The following EYS variants were observed in gnomAD, a reference collection of about 807,000 sequenced individuals.
The protein encoded by EYS is EGF-like photoreceptor maintenance factor.
Under a neutral mutation model 282.1 loss-of-function variants are expected in EYS, and 250 were observed. That is an observed-to-expected ratio of 0.89 (90% confidence interval 0.80 to 0.98). The LOEUF (loss-of-function observed/expected upper bound fraction) is 0.98, where lower values mean the gene tolerates loss of function less well. Ranked by LOEUF, EYS falls within the 50% of genes least tolerant of loss-of-function variation. EYS has a pLI of 0.00. For missense variants in EYS, 4,016 were observed against 3,709.0 expected (o/e 1.08, Z -2.15); for synonymous variants, 1,355 against 1,282.9 (o/e 1.06, Z -1.20).
At chr6:64,862,642 C>T (rs1242833128) in intron 19 of EYS, among the ~76,000 whole-genome samples, 1 of 152,024 alleles carries the variant, frequency 6.6e-6, no homozygotes, top group Non-Finnish European at 1.5e-5. Flanking sequence ...CTGTGGATTA[C>T]TCCTCCTCTG....
At chr6:64,176,652 A>G (rs1220472289) in intron 31 of EYS, among the ~76,000 whole-genome samples, 4 of 152,196 alleles carry the variant, frequency 2.6e-5, no homozygotes, top group East Asian at 3.9e-4. Context: ...GGATTTTACC[A>G]TGGAAAAAAA....
chr6:63,920,964 C>T (rs1764553587), intron 35 of EYS, among the ~76,000 whole-genome samples: 1 of 152,000 alleles, frequency 6.6e-6, no homozygotes, highest in Non-Finnish European at 1.5e-5. Context: ...GCGATCTCGG[C>T]TCACTGCAAG....
chr6:63,775,170 C>T (rs1770034974), intron 40 of EYS, among the ~76,000 whole-genome samples: 1 of 152,100 alleles, frequency 6.6e-6, no homozygotes, highest in African/African-American at 2.4e-5. Flanking sequence ...GTGATGAACT[C>T]GGAGCAGGAG....
chr6:65,190,976 T>C (rs932831878), intron 12 of EYS, among the ~76,000 whole-genome samples: 1 of 151,854 alleles, frequency 6.6e-6, no homozygotes, highest in African/African-American at 2.4e-5. Context: ...ATGCTAATTC[T>C]GAAACATTTG....
chr6:65,092,106 A>T (rs1374916737), intron 12 of EYS, among the ~76,000 whole-genome samples: 1 of 152,136 alleles, frequency 6.6e-6, no homozygotes, highest in Non-Finnish European at 1.5e-5. Flanking sequence ...GAAGATGTAC[A>T]TTAGAATATA....
chr6:65,346,228 T>C (rs956272900), intron 9 of EYS, among the ~76,000 whole-genome samples: 3 of 151,716 alleles, frequency 2.0e-5, no homozygotes, highest in African/African-American at 7.3e-5. Flanking sequence ...GCCTTCTTAG[T>C]TCCTCTCCGT....
chr6:63,924,476 G>A (rs934960567), intron 35 of EYS, among the ~76,000 whole-genome samples: 1 of 152,228 alleles, frequency 6.6e-6, no homozygotes, highest in African/African-American at 2.4e-5. Flanking sequence ...ATTGTTTAGA[G>A]CACAAAATAG....
At chr6:64,426,741 C>A (rs1774421317) in intron 28 of EYS, among the ~76,000 whole-genome samples, 1 of 151,986 alleles carries the variant, frequency 6.6e-6, no homozygotes, top group South Asian at 2.1e-4. Context: ...TCTCTTAAAC[C>A]CTGTCCTTCA....
intron 28 of EYS, among the ~76,000 whole-genome samples, chr6:64,400,127 G>A (rs1773497450): frequency 6.6e-6 from 1 of 151,820 alleles, no homozygotes; most frequent in Non-Finnish European, 1.5e-5. Context: ...TTGCATTTGA[G>A]GTTTTTCCTT....
chr6:65,203,115 G>GT (rs1765944349), intron 12 of EYS, among the ~76,000 whole-genome samples: 1 of 152,108 alleles, frequency 6.6e-6, no homozygotes, highest in Non-Finnish European at 1.5e-5. Flanking sequence ...GATCAACAAA[G>GT]GCTATGTAAA....
chr6:64,407,762 G>A (rs761759810), intron 28 of EYS, among the ~76,000 whole-genome samples: 4 of 152,028 alleles, frequency 2.6e-5, no homozygotes, highest in Non-Finnish European at 4.4e-5. Context: ...GTGGAGTTTT[G>A]CTCTTGTTGC....
chr6:65,681,850 A>G (rs1768834597), intron 1 of EYS, among the ~76,000 whole-genome samples: 2 of 151,904 alleles, frequency 1.3e-5, no homozygotes, highest in South Asian at 4.1e-4. Flanking sequence ...TTGTCTTAAG[A>G]ACTTGAGAGC....
chr6:64,282,722 G>A (rs1350541726), intron 30 of EYS, among the ~76,000 whole-genome samples: 1 of 152,122 alleles, frequency 6.6e-6, no homozygotes, highest in African/African-American at 2.4e-5. Context: ...TAGCACCCTA[G>A]GTCAAGACAC....
At chr6:65,027,944 G>A (rs1240774012) in intron 13 of EYS, among the ~76,000 whole-genome samples, 1 of 152,034 alleles carries the variant, frequency 6.6e-6, no homozygotes, top group African/African-American at 2.4e-5. Flanking sequence ...GGATTGTATG[G>A]TAAAGTGAAT....
intron 26 of EYS, among the ~76,000 whole-genome samples, chr6:64,479,655 A>G (rs1164397777): frequency 1.3e-5 from 2 of 151,896 alleles, no homozygotes; most frequent in Non-Finnish European, 2.9e-5. Context: ...ATATTTAGAG[A>G]TAATTTAAAG....
chr6:65,243,507 G>C (rs182679396), intron 12 of EYS, among the ~76,000 whole-genome samples: 3 of 152,230 alleles, frequency 2.0e-5, no homozygotes, highest in East Asian at 3.9e-4. Flanking sequence ...GAACAATCAA[G>C]ACTCAAATAC....
At chr6:65,515,429 T>C (rs1767087081) in intron 2 of EYS, among the ~76,000 whole-genome samples, 1 of 152,016 alleles carries the variant, frequency 6.6e-6, no homozygotes, top group Non-Finnish European at 1.5e-5. Context: ...GACCCAGCCA[T>C]CCCATTACTG....
intron 18 of EYS, among the ~76,000 whole-genome samples, chr6:64,897,327 C>T (rs1044343428): frequency 6.6e-6 from 1 of 152,126 alleles, no homozygotes; most frequent in Admixed American, 6.6e-5. Context: ...CGCAGTGGAC[C>T]TCCAGCAAAC....
At chr6:65,352,743 A>T (rs1339967477) in intron 9 of EYS, among the ~76,000 whole-genome samples, 1 of 151,880 alleles carries the variant, frequency 6.6e-6, no homozygotes, top group African/African-American at 2.4e-5. Flanking sequence ...CTTGTTATAA[A>T]CTTATGGAAT....
Sources: allele counts gnomAD v4.1 joint callset (sites outside exome capture counted in the v4.1 genomes callset), GRCh38; gene constraint gnomAD v4.1.1; transcripts MANE v1.5; gene names NCBI Gene and HGNC (gene_info 2026-07-23, HGNC 2026-07-21).